UNC5D: variants seen among roughly 807,000 people sequenced by gnomAD.
UNC5D encodes unc-5 netrin receptor D, also known as netrin receptor UNC5D.
A neutral mutation model predicts 105.4 loss-of-function variants in UNC5D; 39 were observed. That is an observed-to-expected ratio of 0.37 (90% CI 0.29 to 0.48). The LOEUF is 0.48. Ranked by LOEUF, UNC5D falls within the 20% of genes least tolerant of loss-of-function variation. UNC5D has a pLI of 0.98. For missense variants in UNC5D, 991 were observed against 1,202.4 expected, an observed-to-expected ratio of 0.82 and a Z score of 2.60; for synonymous variants, 452 against 450.4, an observed-to-expected ratio of 1.00 and a Z score of -0.04.
intron 7 of UNC5D, among the ~76,000 whole-genome samples, chr8:35,688,170 A>C (rs1003050800): frequency 1.0e-4 from 15 of 150,750 alleles, no homozygotes; most frequent in South Asian, 2.1e-4. Context: ...ACAAAAAAAA[A>C]CACACACAAG....
At chr8:35,493,886 A>T (rs116881182) in intron 1 of UNC5D, among the ~76,000 whole-genome samples, 2 of 152,254 alleles carry the variant, frequency 1.3e-5, no homozygotes, top group Non-Finnish European at 2.9e-5. Context: ...TAAAATTGAT[A>T]GGTAAATTTT....
intron 1 of UNC5D, among the ~76,000 whole-genome samples, chr8:35,439,337 T>C (rs1403698519): frequency 1.3e-5 from 2 of 152,056 alleles, no homozygotes; most frequent in Non-Finnish European, 2.9e-5. Flanking sequence ...ATGTTCTCCG[T>C]TGACAGTTTC....
chr8:35,379,109 A>G (rs1266200030), intron 1 of UNC5D, among the ~76,000 whole-genome samples: 2 of 152,190 alleles, frequency 1.3e-5, no homozygotes, highest in Admixed American at 6.5e-5. Flanking sequence ...GACTGGGGAA[A>G]TAGGACTGCT....
chr8:35,659,858 C>G (rs890257903), intron 4 of UNC5D, among the ~76,000 whole-genome samples: 4 of 152,154 alleles, frequency 2.6e-5, no homozygotes, highest in Non-Finnish European at 5.9e-5. Flanking sequence ...TGTACCCAAG[C>G]TATAAGGAAC....
chr8:35,576,349 G>T (rs1033177351), intron 3 of UNC5D, among the ~76,000 whole-genome samples: 4 of 152,320 alleles, frequency 2.6e-5, no homozygotes, highest in African/African-American at 7.2e-5. Context: ...AATTCAAACT[G>T]TCTGATGTTG....
intron 1 of UNC5D, among the ~76,000 whole-genome samples, chr8:35,302,990 C>T (rs1405559725): frequency 1.3e-5 from 2 of 151,750 alleles, no homozygotes; most frequent in South Asian, 4.1e-4. Context: ...TTTTTTGCAG[C>T]CACAATAAAA....
intron 1 of UNC5D, among the ~76,000 whole-genome samples, chr8:35,409,396 T>A (rs188382818): frequency 1.6e-3 from 239 of 151,150 alleles, no homozygotes; most frequent in South Asian, 3.6e-3. Context: ...CTTGGTGTTG[T>A]CAGCTTTTGC....
Position 35,246,222 on chromosome 8 carries a change from A to G in UNC5D, c.103+10335A>G, listed in dbSNP as rs1803087210. Among the ~76,000 whole-genome samples the G allele has an allele frequency of 2.0e-5, 3 of 152,156 alleles. No homozygotes were observed. The South Asian group carries it at 6.2e-4, about 32-fold the overall frequency. Reference sequence around the variant, plus strand: ...CCGCCCTTTGTTTTCTGTACCGTTTATTCACATTATTTTTTTATCATTTCA... The same window carrying G: ...CCGCCCTTTGTTTTCTGTACCGTTTGTTCACATTATTTTTTTATCATTTCA... On this transcript the variant is annotated intron_variant, in intron 1 of 16. Transcript: ENST00000404895.
At position 35,593,088 on chromosome 8, in the gene UNC5D, A is replaced by C. The variant is rs999307100; in HGVS notation, c.467-2466A>C. Among the ~76,000 whole-genome samples the C allele has an allele frequency of 7.4e-4, 102 of 137,928 alleles. 1 individual carries two copies. Among genetic ancestry groups the C allele is most frequent in the Non-Finnish European group, 1.2e-3 (78 of 62,720 alleles). 90.5% of individuals were successfully genotyped at this position (137,928 alleles called of 152,430 possible). On this transcript the variant is annotated intron_variant, in intron 3 of 16. Coordinates refer to ENST00000404895, the MANE Select transcript of UNC5D (RefSeq NM_080872.4). ...ACACACACACACACACACACACACA[A>C]ATATGTAAATTATACAAACGTGTAT... is the stretch of plus-strand genomic sequence containing the variant.
At chr8:35,377,476 G>A (rs912253276) in intron 1 of UNC5D, among the ~76,000 whole-genome samples, 10 of 152,146 alleles carry the variant, frequency 6.6e-5, no homozygotes, top group Non-Finnish European at 5.9e-5. Flanking sequence ...TTATTAAAGC[G>A]GAGTGTTTCT....
intron 1 of UNC5D, among the ~76,000 whole-genome samples, chr8:35,310,840 T>C (rs954014499): frequency 4.6e-5 from 7 of 152,174 alleles, no homozygotes; most frequent in African/African-American, 1.2e-4. Context: ...TCTCCAAATA[T>C]GCTCATGCTG....
chr8:35,708,769 T>C (rs1200694605), intron 8 of UNC5D, among the ~76,000 whole-genome samples: 1 of 152,188 alleles, frequency 6.6e-6, no homozygotes, highest in Non-Finnish European at 1.5e-5. Flanking sequence ...GTTTTGTACC[T>C]AACAGAGATG....
At chr8:35,322,519 T>A (rs1346509405) in intron 1 of UNC5D, among the ~76,000 whole-genome samples, 1 of 152,188 alleles carries the variant, frequency 6.6e-6, no homozygotes, top group Non-Finnish European at 1.5e-5. Context: ...TGTGTCAATC[T>A]GTTGTTTTCA....
chr8:35,336,647 A>C (rs1300792408), intron 1 of UNC5D, among the ~76,000 whole-genome samples: 1 of 152,082 alleles, frequency 6.6e-6, no homozygotes, highest in Non-Finnish European at 1.5e-5. Flanking sequence ...CCTCCCTCCA[A>C]GTCTGCTTGA....
intron 1 of UNC5D, among the ~76,000 whole-genome samples, chr8:35,279,484 G>A (rs575415667): frequency 1.3e-5 from 2 of 152,184 alleles, no homozygotes; most frequent in Non-Finnish European, 2.9e-5. Context: ...CAAGTGGACT[G>A]ACCCTTTGCA....
chr8:35,506,930 T>G (rs1812340912), intron 1 of UNC5D, among the ~76,000 whole-genome samples: 2 of 152,292 alleles, frequency 1.3e-5, no homozygotes, highest in Admixed American at 1.3e-4. Context: ...CATGTTGCTT[T>G]AATGATTTAT....
chr8:35,579,138 T>G (rs1046692690), intron 3 of UNC5D, among the ~76,000 whole-genome samples: 1 of 151,856 alleles, frequency 6.6e-6, no homozygotes, highest in African/African-American at 2.4e-5. Flanking sequence ...CAACAGATAA[T>G]ACAAACAGCT....
intron 4 of UNC5D, 52 bp downstream of exon 4, chr8:35,595,709 A>G: frequency 6.5e-7 from 1 of 1,543,218 alleles, no homozygotes; most frequent in Non-Finnish European, 9.0e-7. Flanking sequence ...CCTGTTCCCA[A>G]GAGGGAGGGC....
intron 1 of UNC5D, among the ~76,000 whole-genome samples, chr8:35,273,850 A>G (rs892395230): frequency 1.3e-4 from 20 of 152,226 alleles, no homozygotes; most frequent in Non-Finnish European, 2.6e-4. Flanking sequence ...TGTTAACTAT[A>G]AATTTAACAT....
Sources: allele counts gnomAD v4.1 joint callset (sites outside exome capture counted in the v4.1 genomes callset), GRCh38; gene constraint gnomAD v4.1.1; transcripts MANE v1.5; gene names NCBI Gene and HGNC (gene_info 2026-07-23, HGNC 2026-07-21).